CCDC50: variants seen among roughly 807,000 people sequenced by gnomAD.
CCDC50 encodes coiled-coil domain containing 50.
Under a neutral mutation model 70.2 loss-of-function variants are expected in CCDC50, and 54 were observed. The observed-to-expected ratio is 0.77, with a 90% CI of 0.62 to 0.96. CCDC50 has a LOEUF of 0.96. Ranked by LOEUF, CCDC50 falls within the 50% of genes least tolerant of loss-of-function variation. The pLI, the probability that CCDC50 is intolerant of heterozygous loss-of-function variation, is 0.00. For synonymous variants in CCDC50, 216 were observed against 198.8 expected, an observed-to-expected ratio of 1.09 and a Z score of -0.73; for missense variants, 558 against 578.7, an observed-to-expected ratio of 0.96 and a Z score of 0.37.
In CCDC50 at chr3:191,397,220, G is replaced by T. The variant is rs1713890002; in HGVS notation, c.*5460G>T. On this transcript the variant is annotated 3_prime_UTR_variant, in exon 12 of 12. Coordinates refer to ENST00000392455, the MANE Select transcript of CCDC50 (RefSeq NM_178335.3). Reference sequence around the variant, plus strand: ...ATACTATGACATATCATAGAATTGGGATACATTTTTGTTGCACTGGATTTC... The same window carrying T: ...ATACTATGACATATCATAGAATTGGTATACATTTTTGTTGCACTGGATTTC... The T allele has an allele frequency of 6.6e-6, 1 of 152,136 alleles. No homozygotes were observed. Among genetic ancestry groups the T allele is most frequent in the Admixed American group, 6.6e-5 (1 of 15,260 alleles). 9.4% of individuals were successfully genotyped at this position (152,136 alleles called of 1,614,324 possible).
rs189453472 is a variant in CCDC50, at chr3:191,350,233, C to A, written c.50-6855C>A. On this transcript the variant is annotated intron_variant, in intron 1 of 11. Coordinates refer to ENST00000392455, the MANE Select transcript of CCDC50 (RefSeq NM_178335.3). ...TTTCAGTTGTGGCTGTCTGTTATTA[C>A]CAAACTTTCACAAGACAAAATGTAT... Among the ~76,000 whole-genome samples, 5 of 141,688 alleles carry A rather than the reference C, an allele frequency of 3.5e-5. 2 individuals are homozygous for A. Among genetic ancestry groups the A allele is most frequent in the African/African-American group, 1.3e-4 (5 of 39,866 alleles). The allele number at this position is 141,688 out of a possible 152,430, so 93.0% of individuals were successfully genotyped here. A position where few individuals can be genotyped will look rare whatever the true frequency, so the allele number is the denominator to read the frequency against.
chr3:191,388,013 A>T (rs1713556218), intron 10 of CCDC50, among the ~76,000 whole-genome samples: 1 of 152,144 alleles, frequency 6.6e-6, no homozygotes, highest in Non-Finnish European at 1.5e-5. Context: ...TACATTGTTT[A>T]TTAAAGATAA....
At chr3:191,383,315 C>T (rs1359307797) in intron 10 of CCDC50, among the ~76,000 whole-genome samples, 2 of 152,046 alleles carry the variant, frequency 1.3e-5, no homozygotes, top group Non-Finnish European at 2.9e-5. Context: ...CTATGGTGTA[C>T]ATACTTTCTG....
At chr3:191,341,286 G>C (rs1359488524) in intron 1 of CCDC50, among the ~76,000 whole-genome samples, 2 of 152,160 alleles carry the variant, frequency 1.3e-5, no homozygotes, top group African/African-American at 4.8e-5. Flanking sequence ...TTATTGAGCT[G>C]CTGCTTAGTG....
chr3:191,329,650 G>C lies in CCDC50; in HGVS notation c.-25G>C. 6.2e-7 allele frequency: 1 copy of C among 1,603,062 alleles called. No homozygotes were observed. The highest frequency in any genetic ancestry group is 8.5e-7 in the Non-Finnish European group (1 of 1,175,860). On this transcript the variant is annotated 5_prime_UTR_variant, in exon 1 of 12. Transcript: ENST00000392455. ...CGGTGACCGGGAAGCCCGCGTTAAA[G>C]GGGCAACCGGGACCCTGGCCCGGTA...
rs117340948 is a variant in CCDC50 at position 191,329,942 on chromosome 3, T to G, written c.49+219T>G. ...GCCCGTTTTTTCTCAAGGGGGTGGT[T>G]GGGGGGGGGGGGGGCTAGCAGCAGC... On this transcript the variant is annotated intron_variant, in intron 1 of 11. Transcript: ENST00000392455. Among the ~76,000 whole-genome samples, 29,944 of 102,694 alleles carry G rather than the reference T, an allele frequency of 0.29. 4,300 individuals carry two copies. The highest frequency in any genetic ancestry group is 0.67 in the East Asian group (2,851 of 4,260). 67.4% of individuals were successfully genotyped at this position (102,694 alleles called of 152,430 possible).
At chr3:191,378,735 T>TTTTG (rs1040958095) in intron 6 of CCDC50, among the ~76,000 whole-genome samples, 42 of 151,556 alleles carry the variant, frequency 2.8e-4, no homozygotes, top group Admixed American at 1.3e-3. Context: ...GCCACTGTTT[T>TTTTG]TTTGTTTGTT....
intron 9 of CCDC50, among the ~76,000 whole-genome samples, chr3:191,381,635 T>C (rs1713323564): frequency 6.6e-6 from 1 of 152,076 alleles, no homozygotes; most frequent in Non-Finnish European, 1.5e-5. Context: ...TAGTGTATAA[T>C]GTAGAGAGGA....
intron 5 of CCDC50, 34 bp from the exon 6 acceptor site, chr3:191,375,028 T>A (rs1277337175): frequency 6.2e-7 from 1 of 1,608,270 alleles, no homozygotes; most frequent in African/African-American, 1.3e-5. Context: ...TTAATCTGCA[T>A]TTTTATTTTT....
intron 5 of CCDC50, among the ~76,000 whole-genome samples, 180 bp from the exon 6 acceptor site, chr3:191,374,882 T>C (rs1476454739): frequency 2.0e-5 from 3 of 152,196 alleles, no homozygotes; most frequent in African/African-American, 7.2e-5. Context: ...ATTCTTTAGG[T>C]ATGCATGAAC....
rs928860668 is a variant in CCDC50, at chr3:191,347,759, T to G, written c.50-9329T>G. On this transcript the variant is annotated intron_variant, in intron 1 of 11. Coordinates refer to ENST00000392455, the MANE Select transcript of CCDC50 (RefSeq NM_178335.3). Reference sequence around the variant, plus strand: ...TTCCAGGTGAAGGAATTTACTGTTGTTTGAGGTAGTATTGATAGACATGTA... The same window carrying G: ...TTCCAGGTGAAGGAATTTACTGTTGGTTGAGGTAGTATTGATAGACATGTA... Among the ~76,000 whole-genome samples the G allele has an allele frequency of 4.2e-5, 6 of 142,268 alleles. 1 individual carries two copies. The highest frequency in any genetic ancestry group is 3.2e-5 in the Non-Finnish European group (2 of 63,074). The allele number at this position is 142,268 out of a possible 152,430, so 93.3% of individuals were successfully genotyped here. A position where few individuals can be genotyped will look rare whatever the true frequency, so the allele number is the denominator to read the frequency against.
intron 1 of CCDC50, 72 bp downstream of exon 1, chr3:191,329,795 G>A: frequency 1.3e-6 from 2 of 1,524,270 alleles, no homozygotes; most frequent in Non-Finnish European, 1.8e-6. Flanking sequence ...GGTCAGGGGC[G>A]TTGCCATTTC....
At chr3:191,336,188 C>A (rs780579194) in intron 1 of CCDC50, among the ~76,000 whole-genome samples, 3 of 150,300 alleles carry the variant, frequency 2.0e-5, no homozygotes, top group Non-Finnish European at 4.4e-5. Context: ...TTGTTTCCCT[C>A]GAATGGACTT....
intron 6 of CCDC50, 40 bp downstream of exon 6, chr3:191,375,629 T>C (rs1338341722): frequency 5.0e-6 from 8 of 1,595,626 alleles, no homozygotes; most frequent in Non-Finnish European, 6.8e-6. Context: ...TGGTATCATG[T>C]ATATAACTAC....
Position 191,336,525 on chromosome 3 carries a change from T to C in CCDC50, c.49+6802T>C, listed in dbSNP as rs150436260. On this transcript the variant is annotated intron_variant, in intron 1 of 11. Coordinates refer to ENST00000392455, the MANE Select transcript of CCDC50 (RefSeq NM_178335.3). Reference sequence around the variant, plus strand: ...CATTTTAAAATCGACTATTTTCTTATTATTGAATTTGGGAGTTCTTTACAT... The same window carrying C: ...CATTTTAAAATCGACTATTTTCTTACTATTGAATTTGGGAGTTCTTTACAT... Among the ~76,000 whole-genome samples, 58 of 152,314 alleles carry C rather than the reference T, an allele frequency of 3.8e-4. No homozygotes were observed. The East Asian group carries it at 0.01, about 27-fold the overall frequency.
At chr3:191,379,916 A>G (rs1021132232) in intron 6 of CCDC50, among the ~76,000 whole-genome samples, 2 of 152,036 alleles carry the variant, frequency 1.3e-5, no homozygotes, top group African/African-American at 4.8e-5. Context: ...ACTATGTGAG[A>G]GGGGACTTTT....
chr3:191,391,256 C>T (rs866477963), intron 11 of CCDC50, among the ~76,000 whole-genome samples: 19 of 152,146 alleles, frequency 1.2e-4, no homozygotes, highest in African/African-American at 3.4e-4. Context: ...AAAATACCAT[C>T]GCAAAAATGA....
chr3:191,341,799 T>A (rs1192140341), intron 1 of CCDC50, among the ~76,000 whole-genome samples: 3 of 152,264 alleles, frequency 2.0e-5, no homozygotes, highest in African/African-American at 7.2e-5. Flanking sequence ...AAAATCTATG[T>A]GTAACTCCCT....
chr3:191,367,177 A>T (rs1028471369), intron 4 of CCDC50, among the ~76,000 whole-genome samples: 1 of 152,034 alleles, frequency 6.6e-6, no homozygotes, highest in Non-Finnish European at 1.5e-5. Flanking sequence ...TGTTATGATT[A>T]TTATTATTTT....
Sources: gnomAD v4.1 joint callset for allele counts (sites outside exome capture counted in the v4.1 genomes callset) on GRCh38, gnomAD v4.1.1 for gene constraint, MANE v1.5 for transcripts, NCBI Gene and HGNC (gene_info 2026-07-23, HGNC 2026-07-21) for gene names.